Variants in KLRG1 observed in about 807,000 individuals in gnomAD.
The protein encoded by KLRG1 is killer cell lectin like receptor G1, also known as killer cell lectin-like receptor subfamily G member 1.
Under a neutral mutation model 21.8 loss-of-function variants are expected in KLRG1, and 16 were observed. The ratio of observed to expected loss-of-function variants is 0.73; its 90% confidence interval spans 0.50 to 1.11. The LOEUF (loss-of-function observed/expected upper bound fraction) is 1.11, where lower values mean the gene tolerates loss of function less well. KLRG1 is among the 50% of genes most tolerant of loss of function. KLRG1 has a pLI of 0.00. For synonymous variants in KLRG1, 69 were observed against 75.9 expected, an observed-to-expected ratio of 0.91 and a Z score of 0.47; for missense variants, 173 against 218.3, an observed-to-expected ratio of 0.79 and a Z score of 1.31.
the KLRG1 span, among the ~76,000 whole-genome samples, chr12:9,173,824 A>C: frequency 2.0e-5 from 3 of 152,216 alleles, no homozygotes; most frequent in Non-Finnish European, 4.4e-5. Flanking sequence ...TCTGAAATTG[A>C]GGCAGTAATA....
the KLRG1 span, among the ~76,000 whole-genome samples, chr12:9,048,924 T>TA: frequency 3.9e-5 from 6 of 152,214 alleles, no homozygotes; most frequent in African/African-American, 1.4e-4. Context: ...CATGATTGGC[T>TA]AGGTAAAAAA....
chr12:9,021,870 C>T, the KLRG1 span, among the ~76,000 whole-genome samples: 1 of 152,140 alleles, frequency 6.6e-6, no homozygotes, highest in African/African-American at 2.4e-5. Context: ...CCTTCTTCTG[C>T]AACACCTCCT....
the KLRG1 span, among the ~76,000 whole-genome samples, chr12:9,188,836 A>G: frequency 1.3e-5 from 2 of 152,218 alleles, no homozygotes; most frequent in Non-Finnish European, 2.9e-5. Context: ...TGAAAGATCT[A>G]TACAATGAGA....
the KLRG1 span, chr12:9,090,165 G>T: frequency 1.5e-6 from 2 of 1,367,650 alleles, no homozygotes; most frequent in Non-Finnish European, 2.0e-6. Context: ...GCAAATGAGA[G>T]GTGAATGATA....
chr12:9,039,471 C>CT, the KLRG1 span, among the ~76,000 whole-genome samples: 35,754 of 152,018 alleles, frequency 0.24, 4,860 homozygotes, highest in East Asian at 0.32. Context: ...TTTTAAAAAA[C>CT]TTTTTTTTCT....
chr12:9,203,215 GATT>G, the KLRG1 span, among the ~76,000 whole-genome samples: 1 of 152,086 alleles, frequency 6.6e-6, no homozygotes, highest in Non-Finnish European at 1.5e-5. Flanking sequence ...TGGGCAATAG[GATT>G]ATTATTTAGG....
chr12:9,119,353 G>A, the KLRG1 span, among the ~76,000 whole-genome samples: 1 of 152,150 alleles, frequency 6.6e-6, no homozygotes, highest in African/African-American at 2.4e-5. Flanking sequence ...TGTAAAGGTT[G>A]TCATTGATAA....
Position 8,971,513 on chromosome 12 carries a change from T to G in KLRG1, c.-155-20693T>G, listed in dbSNP as rs1433068137. Among the ~76,000 whole-genome samples the G allele has an allele frequency of 2.0e-5, 3 of 152,164 alleles. No individual in the cohort carries two copies. The East Asian group carries it at 5.8e-4, about 29-fold the overall frequency. ...TTTATTTATTTTTTTTGAGACAGAT[T>G]CTTGCTCTGTTGCCCAGGCTGGAGT... On this transcript the variant is annotated intron_variant, in intron 1 of 4. Transcript: ENST00000539240.
At chr12:9,173,985 C>A in the KLRG1 span, among the ~76,000 whole-genome samples, 1 of 152,226 alleles carries the variant, frequency 6.6e-6, no homozygotes, top group Admixed American at 6.5e-5. Flanking sequence ...TATGAGGCCA[C>A]CATCATCTTG....
At chr12:9,074,416 C>A in the KLRG1 span, 3 of 799,498 alleles carry the variant, frequency 3.8e-6, no homozygotes, top group South Asian at 5.7e-5. Flanking sequence ...GCTTTTATTT[C>A]CATTATCCTT....
the KLRG1 span, among the ~76,000 whole-genome samples, chr12:9,153,898 G>A: frequency 4.6e-5 from 7 of 152,118 alleles, no homozygotes; most frequent in Non-Finnish European, 8.8e-5. Context: ...TTATACTCTC[G>A]ATAAAATACT....
the KLRG1 span, chr12:9,201,398 A>G: frequency 7.1e-7 from 1 of 1,406,330 alleles, no homozygotes; most frequent in African/African-American, 1.4e-5. Flanking sequence ...AGCAAAGGCT[A>G]CAATTTCAGA....
chr12:9,203,262 T>C, the KLRG1 span, among the ~76,000 whole-genome samples: 1 of 138,536 alleles, frequency 7.2e-6, no homozygotes, highest in East Asian at 2.0e-4. Flanking sequence ...TTCCTTACTC[T>C]GGTAAAAAAT....
chr12:9,004,554 A>C (rs2137412183), intron 3 of KLRG1, among the ~76,000 whole-genome samples: 1 of 152,268 alleles, frequency 6.6e-6, no homozygotes, highest in East Asian at 1.9e-4. Context: ...CTTTAGCCTC[A>C]AACTCCTGGG....
At chr12:9,161,958 G>T in the KLRG1 span, among the ~76,000 whole-genome samples, 2 of 151,826 alleles carry the variant, frequency 1.3e-5, no homozygotes, top group African/African-American at 2.4e-5. Context: ...TTTTGTTGTT[G>T]TTGTTGTTTG....
At chr12:9,046,694 G>GAAAA in the KLRG1 span, among the ~76,000 whole-genome samples, 1 of 152,068 alleles carries the variant, frequency 6.6e-6, no homozygotes, top group Admixed American at 6.6e-5. Context: ...TAAAAACTCA[G>GAAAA]AAAAACAAAA....
At chr12:9,180,854 T>C in the KLRG1 span, 10 of 899,340 alleles carry the variant, frequency 1.1e-5, no homozygotes, top group Non-Finnish European at 1.6e-5. Flanking sequence ...ACCATCAGAG[T>C]GAACAGGCAA....
intron 1 of KLRG1, among the ~76,000 whole-genome samples, chr12:8,974,511 C>CT (rs35958202): frequency 0.38 from 58,015 of 151,896 alleles, 11,665 homozygotes; most frequent in South Asian, 0.44. Context: ...CTGTGGGCTT[C>CT]TTTATATGGT....
the KLRG1 span, among the ~76,000 whole-genome samples, chr12:9,135,877 AT>A: frequency 6.6e-6 from 1 of 152,210 alleles, no homozygotes; most frequent in Non-Finnish European, 1.5e-5. Flanking sequence ...TTTTACATCA[AT>A]TCCTTTAAAG....
Sources: allele counts gnomAD v4.1 joint callset (sites outside exome capture counted in the v4.1 genomes callset), GRCh38; gene constraint gnomAD v4.1.1; transcripts MANE v1.5; gene names NCBI Gene and HGNC (gene_info 2026-07-23, HGNC 2026-07-21).